Variants in CAPN10 observed in about 807,000 individuals in gnomAD.
CAPN10 encodes calpain-10.
In CAPN10, 71 loss-of-function variants were observed where a neutral mutation model predicts 78.4. The observed-to-expected ratio is 0.91, with a 90% CI of 0.75 to 1.10. The LOEUF (loss-of-function observed/expected upper bound fraction) is 1.10. CAPN10 is among the 50% of genes least tolerant of loss of function. The pLI is 0.00. For synonymous variants in CAPN10, 437 were observed against 407.2 expected (o/e 1.07, Z -0.88); for missense variants, 849 against 924.6 (o/e 0.92, Z 1.06).
chr2:240,596,467 A>G lies in CAPN10; in HGVS notation c.1427A>G (p.Asp476Gly). The G allele has an allele frequency of 6.2e-7, 1 of 1,613,176 alleles. No homozygotes were observed. Among genetic ancestry groups the G allele is most frequent in the South Asian group, 1.1e-5 (1 of 91,068 alleles). Residue 476 changes from aspartate (D) to glycine (G), a missense_variant, in exon 8 of 12, where the codon GAC becomes GGC. By Grantham distance (94) the Asp-to-Gly change is moderately conservative. Coordinates refer to ENST00000391984, the MANE Select transcript of CAPN10 (RefSeq NM_023083.4). Reference sequence around the variant, plus strand: ...GCTGTCCCCAGCACCTTCCTGAAGGACGCGCCAGGGGAGTTCCTGCTCCGA... The same window carrying G: ...GCTGTCCCCAGCACCTTCCTGAAGGGCGCGCCAGGGGAGTTCCTGCTCCGA... The part of the protein sequence containing the change: ...YLAVPSTFLK[D>G]APGEFLLRVF...
At chr2:240,594,970 G>A in intron 6 of CAPN10, 54 bp from the exon 7 acceptor site, 3 of 1,588,198 alleles carry the variant, frequency 1.9e-6, no homozygotes, top group Non-Finnish European at 2.6e-6. Flanking sequence ...CACCATGGCG[G>A]GAGGCCAGCG....
intron 9 of CAPN10, 28 bp downstream of exon 9, chr2:240,596,970 G>A (rs2093141188): frequency 6.2e-7 from 1 of 1,612,930 alleles, no homozygotes; most frequent in Non-Finnish European, 8.5e-7. Flanking sequence ...GGGAGGGAGG[G>A]GGAGCAGAAG....
chr2:240,595,997 T>G (rs1013839460), intron 7 of CAPN10: 7 of 1,425,376 alleles, frequency 4.9e-6, no homozygotes, highest in Non-Finnish European at 6.6e-6. Flanking sequence ...ATGATGTTCC[T>G]TTCCTCTTGC....
chr2:240,591,800 G>T (rs930450133), intron 3 of CAPN10, 133 bp from the exon 4 acceptor site: 37 of 734,514 alleles, frequency 5.0e-5, no homozygotes, highest in Non-Finnish European at 7.2e-5. Flanking sequence ...GGATGAGGAA[G>T]AAGGCAGAGG....
At position 240,594,466 on chromosome 2, in the gene CAPN10, G is replaced by T. The variant is rs577492087; in HGVS notation, c.831-77G>T. 7.4e-6 allele frequency: 11 copies of T among 1,479,612 alleles called. No individual in the cohort carries two copies. The East Asian group carries it at 2.1e-4, about 28-fold the overall frequency. The allele number at this position is 1,479,612 out of a possible 1,614,324, so 91.7% of individuals were successfully genotyped here. A position where few individuals can be genotyped will look rare whatever the true frequency, so the allele number is the denominator to read the frequency against. On this transcript the variant is annotated intron_variant, in intron 5 of 11. Coordinates refer to ENST00000391984, the MANE Select transcript of CAPN10 (RefSeq NM_023083.4). The stretch of plus-strand genomic sequence containing the variant: ...TCAGGGCTCTCTGGGTCCCCTCCAG[G>T]CTTCCCCCCAGCCTGCCGGCAAGTT...
In CAPN10 at chr2:240,598,690, C is replaced by G. The variant is rs1309394646; in HGVS notation, c.*10C>G. On this transcript the variant is annotated 3_prime_UTR_variant, in exon 12 of 12. Transcript: ENST00000391984. ...AGTGATGAAAACCTAACAGGGTGGC[C>G]CCCTGTGCCAGCTCAGGTGACTGGA... is the stretch of plus-strand genomic sequence containing the variant. The G allele has an allele frequency of 1.9e-6, 3 of 1,571,654 alleles. No individual in the cohort carries two copies. The highest frequency in any genetic ancestry group is 3.8e-5 in the Admixed American group (2 of 52,444).
At chr2:240,595,466 G>A in intron 7 of CAPN10, 162 bp downstream of exon 7, 1 of 725,274 alleles carries the variant, frequency 1.4e-6, no homozygotes, top group Non-Finnish European at 2.3e-6. Context: ...GACGTCTGCT[G>A]GTGCTCCCAG....
At position 240,594,603 on chromosome 2, in the gene CAPN10, G is replaced by C. The variant is rs2093124068; in HGVS notation, c.891G>C (p.Gln297His). 1.9e-6 allele frequency: 3 copies of C among 1,613,912 alleles called. No homozygotes were observed. The South Asian group carries it at 3.3e-5, about 18-fold the overall frequency. The change falls in exon 6 of 12, where the codon CAG (glutamine) becomes CAC (histidine). Residue 297 changes from glutamine to histidine, a missense_variant. Coordinates refer to ENST00000391984, the MANE Select transcript of CAPN10 (RefSeq NM_023083.4). Reference sequence around the variant, plus strand: ...CATCTGAGCTCCTGTCCCAGCTCCAGGAAGGGGAGTTCTGGGTGGAGGAGG... The same window carrying C: ...CATCTGAGCTCCTGTCCCAGCTCCACGAAGGGGAGTTCTGGGTGGAGGAGG... ...AVASELLSQL[Q>H]EGEFWVEEEE...
intron 9 of CAPN10, 26 bp downstream of exon 9, chr2:240,596,968 G>T (rs535108200): frequency 1.2e-6 from 2 of 1,613,100 alleles, no homozygotes; most frequent in African/African-American, 1.3e-5. Context: ...CAGGGAGGGA[G>T]GGGGAGCAGA....
At chr2:240,591,087 G>A (rs541450525) in intron 3 of CAPN10, 76 bp downstream of exon 3, 14 of 1,398,146 alleles carry the variant, frequency 1.0e-5, no homozygotes, top group Non-Finnish European at 1.3e-5. Context: ...CCCCAGGAGG[G>A]TCTCTGCTCA....
At chr2:240,589,760 T>G (rs1170132090) in intron 2 of CAPN10, 2 of 354,748 alleles carry the variant, frequency 5.6e-6, no homozygotes, top group Non-Finnish European at 1.0e-5. Flanking sequence ...TCACCACGTT[T>G]AGAATAAAGA....
At chr2:240,598,572 A>G in intron 11 of CAPN10, 79 bp from the exon 12 acceptor site, 3 of 1,508,296 alleles carry the variant, frequency 2.0e-6, no homozygotes, top group Non-Finnish European at 1.8e-6. Context: ...GCTGCGTCCC[A>G]TTCCCTGGCT....
intron 4 of CAPN10, 61 bp downstream of exon 4, chr2:240,592,211 A>G: frequency 7.2e-7 from 1 of 1,388,040 alleles, no homozygotes; most frequent in Non-Finnish European, 1.0e-6. Flanking sequence ...GCCAGGCCTC[A>G]GGCACACTGT....
At chr2:240,595,417 C>T in intron 7 of CAPN10, 113 bp downstream of exon 7, 1 of 1,141,274 alleles carries the variant, frequency 8.8e-7, no homozygotes, top group Non-Finnish European at 1.2e-6. Flanking sequence ...GCCACGGGCC[C>T]CACCAGTCTC....
chr2:240,586,830 G>A lies in CAPN10; in HGVS notation c.-82G>A. ...CGGGGAACGGGCGGGGCGGGCCGGA[G>A]GCGGCGGCGGCTGACTCGCCTTCTC... On this transcript the variant is annotated 5_prime_UTR_variant, in exon 1 of 12. Transcript: ENST00000391984. 3.2e-6 allele frequency: 4 copies of A among 1,239,672 alleles called. No individual in the cohort carries two copies. Among genetic ancestry groups the A allele is most frequent in the Non-Finnish European group, 4.1e-6 (4 of 974,710 alleles). 76.8% of individuals were successfully genotyped at this position (1,239,672 alleles called of 1,614,324 possible).
In CAPN10 at chr2:240,589,409, C is replaced by G; in HGVS notation, c.208C>G (p.Leu70Val). The change falls in exon 2 of 12, where the codon CTG (leucine) becomes GTG (valine). Residue 70 changes from leucine (L) to valine (V), a missense_variant. Leu to Val is a conservative substitution (Grantham distance 32). Coordinates refer to ENST00000391984, the MANE Select transcript of CAPN10 (RefSeq NM_023083.4). ...GGAAGGGCAGGTGAAGCAGGGGCTG[C>G]TGGGGGATTGCTGGTTCCTGTGTGC... is the stretch of plus-strand genomic sequence containing the variant. ...PREGQVKQGL[L>V]GDCWFLCACA... The G allele has an allele frequency of 6.2e-7, 1 of 1,614,092 alleles. No individual in the cohort carries two copies. Among genetic ancestry groups the G allele is most frequent in the Non-Finnish European group, 8.5e-7 (1 of 1,180,020 alleles).
At chr2:240,587,600 G>A (rs1299433699) in intron 1 of CAPN10, among the ~76,000 whole-genome samples, 4 of 152,244 alleles carry the variant, frequency 2.6e-5, no homozygotes, top group Non-Finnish European at 5.9e-5. Flanking sequence ...AGACTGCCCA[G>A]GGAGCAACCT....
intron 1 of CAPN10, among the ~76,000 whole-genome samples, chr2:240,587,973 A>G (rs2093078641): frequency 6.6e-6 from 1 of 152,142 alleles, no homozygotes; most frequent in Non-Finnish European, 1.5e-5. Flanking sequence ...AGAAAGATGA[A>G]GGGGCTCAGA....
intron 4 of CAPN10, among the ~76,000 whole-genome samples, chr2:240,593,566 G>A (rs893657746): frequency 6.6e-6 from 1 of 152,238 alleles, no homozygotes; most frequent in African/African-American, 2.4e-5. Flanking sequence ...AGATGCATCT[G>A]TGCAGCATGT....
Sources: allele counts gnomAD v4.1 joint callset (sites outside exome capture counted in the v4.1 genomes callset), GRCh38; gene constraint gnomAD v4.1.1; transcripts MANE v1.5; gene names NCBI Gene and HGNC (gene_info 2026-07-23, HGNC 2026-07-21).